The following INPP4B variants were observed in gnomAD, a reference collection of about 807,000 sequenced individuals.
INPP4B encodes the protein inositol polyphosphate 4-phosphatase type II.
INPP4B carries 55 observed loss-of-function variants against 122.5 expected under a neutral mutation model. That is an observed-to-expected ratio of 0.45 (90% CI 0.36 to 0.56). The LOEUF is 0.56. INPP4B is among the 20% of genes least tolerant of loss of function. INPP4B has a pLI of 0.00. For synonymous variants in INPP4B, 403 were observed against 388.7 expected (o/e 1.04, Z -0.43); for missense variants, 1,000 against 1,097.7 (o/e 0.91, Z 1.26).
intron 3 of INPP4B, among the ~76,000 whole-genome samples, chr4:142,446,453 C>G (rs1267748158): frequency 6.6e-6 from 1 of 151,968 alleles, no homozygotes; most frequent in East Asian, 1.9e-4. Flanking sequence ...TGCAGCTACT[C>G]CAAACACAAT....
chr4:142,435,320 T>C (rs1187221683), intron 3 of INPP4B, among the ~76,000 whole-genome samples: 1 of 151,952 alleles, frequency 6.6e-6, no homozygotes, highest in Non-Finnish European at 1.5e-5. Flanking sequence ...GACCAAAATA[T>C]GAAGGGAAAA....
chr4:142,276,817 T>C (rs192568266), intron 9 of INPP4B, among the ~76,000 whole-genome samples: 3 of 151,988 alleles, frequency 2.0e-5, no homozygotes, highest in Admixed American at 2.0e-4. Flanking sequence ...ATTATACAAA[T>C]ACAAATAAGA....
intron 9 of INPP4B, among the ~76,000 whole-genome samples, chr4:142,276,794 C>T (rs1242281946): frequency 6.6e-6 from 1 of 151,732 alleles, no homozygotes; most frequent in Admixed American, 6.6e-5. Flanking sequence ...ACAGTACTCT[C>T]CAAATATGAG....
intron 7 of INPP4B, among the ~76,000 whole-genome samples, chr4:142,360,272 A>T (rs1784963671): frequency 6.6e-6 from 1 of 151,968 alleles, no homozygotes; most frequent in Admixed American, 6.6e-5. Context: ...TGAGTAGCCA[A>T]TCTGGCAGAT....
At chr4:142,471,786 G>A (rs777065713) in intron 2 of INPP4B, among the ~76,000 whole-genome samples, 2 of 151,976 alleles carry the variant, frequency 1.3e-5, no homozygotes, top group Non-Finnish European at 2.9e-5. Context: ...CTGAGCACCC[G>A]CAATCCAAGC....
At chr4:142,647,231 G>C (rs150856967) in intron 2 of INPP4B, among the ~76,000 whole-genome samples, 1 of 152,052 alleles carries the variant, frequency 6.6e-6, no homozygotes, top group African/African-American at 2.4e-5. Flanking sequence ...TGAGAATCAG[G>C]GTCCAGGAAG....
At chr4:142,151,810 T>C (rs1355772024) in intron 17 of INPP4B, among the ~76,000 whole-genome samples, 1 of 152,214 alleles carries the variant, frequency 6.6e-6, no homozygotes, top group Non-Finnish European at 1.5e-5. Flanking sequence ...TCTTGCAGTC[T>C]TAGAAACATG....
In INPP4B at chr4:142,781,680, A is replaced by G. The variant is rs149835869; in HGVS notation, c.-253-55779T>C. On this transcript the variant is annotated intron_variant, in intron 1 of 25. Coordinates refer to ENST00000262992, the MANE Select transcript of INPP4B (RefSeq NM_001101669.3). ...AAATTGGATGATTTTGCAAAGGATC[A>G]TAGAATTTACACACCCAGTGGAAAA... 6.0e-4 allele frequency among the ~76,000 whole-genome samples: 92 copies of G among 152,344 alleles called. No individual in the cohort carries two copies. The East Asian group carries it at 0.016, about 27-fold the overall frequency.
At chr4:142,157,922 T>A (rs1348701827) in intron 17 of INPP4B, among the ~76,000 whole-genome samples, 23 of 151,978 alleles carry the variant, frequency 1.5e-4, no homozygotes, top group Middle Eastern at 3.2e-3. Context: ...AAAGCAGCCA[T>A]CCAGCCCCAC....
intron 2 of INPP4B, among the ~76,000 whole-genome samples, chr4:142,708,536 C>T (rs1378154860): frequency 6.6e-6 from 1 of 152,178 alleles, no homozygotes; most frequent in Admixed American, 6.5e-5. Flanking sequence ...TCCAGCTCCA[C>T]CTGTGGCTAA....
At chr4:142,294,021 TAG>T (rs983334996) in intron 9 of INPP4B, among the ~76,000 whole-genome samples, 2 of 152,134 alleles carry the variant, frequency 1.3e-5, no homozygotes, top group Non-Finnish European at 2.9e-5. Flanking sequence ...TGTGGAATAA[TAG>T]ACACTGGAGA....
intron 1 of INPP4B, among the ~76,000 whole-genome samples, chr4:142,771,423 G>C (rs1773049360): frequency 6.6e-6 from 1 of 152,154 alleles, no homozygotes; most frequent in Non-Finnish European, 1.5e-5. Context: ...TTTTAGGGAA[G>C]TAATAATGAA....
chr4:142,325,720 T>C (rs1417274603), intron 7 of INPP4B, among the ~76,000 whole-genome samples: 1 of 152,142 alleles, frequency 6.6e-6, no homozygotes, highest in Non-Finnish European at 1.5e-5. Flanking sequence ...TCTCTTTATG[T>C]TTAATTGGTG....
At chr4:142,610,801 C>T (rs1742323525) in intron 2 of INPP4B, among the ~76,000 whole-genome samples, 1 of 152,072 alleles carries the variant, frequency 6.6e-6, no homozygotes, top group Admixed American at 6.6e-5. Flanking sequence ...CACACACACC[C>T]ACACATTACA....
At chr4:142,429,247 T>A in intron 4 of INPP4B, 30 bp from the exon 5 acceptor site, 1 of 1,316,392 alleles carries the variant, frequency 7.6e-7, no homozygotes, top group Non-Finnish European at 1.1e-6. Context: ...ATTCAGATTT[T>A]TAAAAAATTG....
intron 25 of INPP4B, among the ~76,000 whole-genome samples, chr4:142,062,780 A>G (rs62328183): frequency 5.9e-5 from 8 of 135,616 alleles, no homozygotes; most frequent in Non-Finnish European, 9.9e-5. Context: ...CAAACAGACA[A>G]ACAAACACAA....
At chr4:142,259,139 G>A (rs189453510) in intron 11 of INPP4B, among the ~76,000 whole-genome samples, 1,711 of 145,872 alleles carry the variant, frequency 0.012, 17 homozygotes, top group Non-Finnish European at 0.017. Context: ...TCACTCATAG[G>A]TGGGAATTGA....
At chr4:142,557,898 G>A (rs1729571194) in intron 2 of INPP4B, among the ~76,000 whole-genome samples, 1 of 152,094 alleles carries the variant, frequency 6.6e-6, no homozygotes, top group Non-Finnish European at 1.5e-5. Flanking sequence ...TCTACGTTCT[G>A]GTTCTGCCCC....
intron 2 of INPP4B, among the ~76,000 whole-genome samples, chr4:142,463,817 T>G (rs1282955840): frequency 6.6e-6 from 1 of 152,142 alleles, no homozygotes; most frequent in Admixed American, 6.6e-5. Context: ...ACATGTTTGC[T>G]TCCCCTTCCA....
Sources: allele counts gnomAD v4.1 joint callset (sites outside exome capture counted in the v4.1 genomes callset), GRCh38; gene constraint gnomAD v4.1.1; transcripts MANE v1.5; gene names NCBI Gene and HGNC (gene_info 2026-07-23, HGNC 2026-07-21).